HDAC9: variants seen among roughly 807,000 people sequenced by gnomAD.
HDAC9 encodes the protein histone deacetylase 9.
HDAC9 carries 41 observed loss-of-function variants against 139.4 expected under a neutral mutation model. The ratio of observed to expected loss-of-function variants is 0.29; its 90% CI spans 0.23 to 0.38. The LOEUF (loss-of-function observed/expected upper bound fraction) is 0.38. HDAC9 is among the 10% of genes least tolerant of loss of function. The pLI is 1.00. For synonymous variants in HDAC9, 517 were observed against 476.2 expected, an observed-to-expected ratio of 1.09 and a Z score of -1.12; for missense variants, 1,147 against 1,297.0, an observed-to-expected ratio of 0.88 and a Z score of 1.78.
At chr7:18,468,590 C>T (rs1204948107) in intron 1 of HDAC9, among the ~76,000 whole-genome samples, 2 of 152,154 alleles carry the variant, frequency 1.3e-5, no homozygotes, top group East Asian at 1.9e-4. Flanking sequence ...ACTACAGGCA[C>T]GTGTCTCTTG....
chr7:18,161,348 G>A (rs1017651946), intron 1 of HDAC9, among the ~76,000 whole-genome samples: 3 of 152,084 alleles, frequency 2.0e-5, no homozygotes, highest in Admixed American at 6.5e-5. Context: ...AATAGTGACG[G>A]AAAAACGAGT....
intron 12 of HDAC9, among the ~76,000 whole-genome samples, chr7:18,683,847 C>A (rs1782063069): frequency 6.6e-6 from 1 of 151,996 alleles, no homozygotes; most frequent in African/African-American, 2.4e-5. Flanking sequence ...GATATGCTTC[C>A]ATTTTTCAAA....
intron 5 of HDAC9, among the ~76,000 whole-genome samples, chr7:18,592,675 G>A (rs1160192651): frequency 3.3e-5 from 5 of 152,074 alleles, no homozygotes; most frequent in Admixed American, 2.0e-4. Flanking sequence ...CCCAAAACAG[G>A]TAACAGACAG....
Position 18,541,395 on chromosome 7 carries a change from T to C in HDAC9, c.23-43886T>C, listed in dbSNP as rs148174156. On this transcript the variant is annotated intron_variant, in intron 2 of 25. Transcript: ENST00000686413. ...TGAAGAAACTCTTTGAATCACCAAC[T>C]ATGCCTTGCCATATCTGTCCACATG... Among the ~76,000 whole-genome samples the C allele has an allele frequency of 2.3e-4, 35 of 152,230 alleles. No individual in the cohort carries two copies. In the East Asian group the frequency reaches 5.8e-3, roughly 25 times the overall value.
At chr7:18,273,138 C>T (rs750979567) in intron 2 of HDAC9, among the ~76,000 whole-genome samples, 1 of 141,334 alleles carries the variant, frequency 7.1e-6, no homozygotes, top group East Asian at 2.2e-4. Context: ...TCATAACTCA[C>T]TGCAGCATCA....
intron 1 of HDAC9, among the ~76,000 whole-genome samples, chr7:18,401,368 G>A (rs1348493992): frequency 6.6e-6 from 1 of 152,172 alleles, no homozygotes; most frequent in Non-Finnish European, 1.5e-5. Flanking sequence ...CTCATTTGAA[G>A]ATGCAGTTGG....
intron 1 of HDAC9, among the ~76,000 whole-genome samples, chr7:18,094,100 T>C (rs1782342682): frequency 6.6e-6 from 1 of 152,214 alleles, no homozygotes; most frequent in African/African-American, 2.4e-5. Flanking sequence ...ATGATTGGAT[T>C]GTGTTAGATC....
intron 13 of HDAC9, among the ~76,000 whole-genome samples, chr7:18,730,525 G>C (rs984927094): frequency 1.3e-5 from 2 of 152,092 alleles, no homozygotes; most frequent in Admixed American, 6.5e-5. Flanking sequence ...TATCTGCATG[G>C]GGGCTATTCT....
At chr7:18,822,503 C>T (rs190867471) in intron 17 of HDAC9, among the ~76,000 whole-genome samples, 8 of 152,222 alleles carry the variant, frequency 5.3e-5, no homozygotes, top group Admixed American at 1.3e-4. Flanking sequence ...TACAGGTTCC[C>T]GCCAGCACAC....
chr7:18,512,014 A>C (rs1383201344), intron 2 of HDAC9, among the ~76,000 whole-genome samples: 1 of 131,052 alleles, frequency 7.6e-6, no homozygotes, highest in East Asian at 2.1e-4. Flanking sequence ...ATAATGAATT[A>C]AGCAAAAAAA....
At chr7:18,753,742 G>C (rs181915918) in intron 14 of HDAC9, among the ~76,000 whole-genome samples, 29 of 152,154 alleles carry the variant, frequency 1.9e-4, no homozygotes, top group African/African-American at 7.0e-4. Context: ...TTCAATATTA[G>C]ATTCGACCTT....
chr7:18,383,823 A>G (rs1316532033), intron 1 of HDAC9, among the ~76,000 whole-genome samples: 4 of 150,904 alleles, frequency 2.7e-5, no homozygotes, highest in African/African-American at 4.9e-5. Context: ...CGGGAGGCGG[A>G]GCTTGCAGTG....
At chr7:18,718,110 C>G (rs969066329) in intron 12 of HDAC9, among the ~76,000 whole-genome samples, 1 of 151,792 alleles carries the variant, frequency 6.6e-6, no homozygotes, top group Non-Finnish European at 1.5e-5. Context: ...AGAAACTGTA[C>G]CCATTAGCAG....
rs369575317 is a variant in HDAC9, at chr7:18,239,190, C to G, written c.25+76841C>G. Among the ~76,000 whole-genome samples the G allele has an allele frequency of 2.0e-5, 3 of 151,994 alleles. No individual in the cohort carries two copies. In the East Asian group the frequency reaches 5.8e-4, roughly 29 times the overall value. ...ACAAGGTGATAGAATATCCCTGGCA[C>G]ACTGGAGAAAAACTGAGATCATGTG... On this transcript the variant is annotated intron_variant, in intron 2 of 12. Coordinates refer to the HDAC9 transcript ENST00000417496.
chr7:18,302,442 G>A (rs1013306732), intron 1 of HDAC9, among the ~76,000 whole-genome samples: 3 of 152,170 alleles, frequency 2.0e-5, no homozygotes, highest in Non-Finnish European at 2.9e-5. Context: ...AAAGAAGGGC[G>A]TTAGTCTTGG....
chr7:18,783,069 GC>G lies in HDAC9; in HGVS notation c.2215-10274del, dbSNP rs537324760. On this transcript the variant is annotated intron_variant, in intron 16 of 25. Coordinates refer to ENST00000686413, the MANE Select transcript of HDAC9 (RefSeq NM_178425.4). Reference sequence around the variant, plus strand: ...ATGTCTGTTTAAAAGTATATTTAAAGCCTAACAATTTCTCGAAATCCTGGGG... The same window carrying G: ...ATGTCTGTTTAAAAGTATATTTAAAGCTAACAATTTCTCGAAATCCTGGGG... Among the ~76,000 whole-genome samples, 32 of 152,170 alleles carry G rather than the reference GC, an allele frequency of 2.1e-4. 1 individual carries two copies. The East Asian group carries it at 4.7e-3, about 22-fold the overall frequency.
At chr7:18,357,748 G>A (rs1386536228) in intron 1 of HDAC9, among the ~76,000 whole-genome samples, 1 of 152,086 alleles carries the variant, frequency 6.6e-6, no homozygotes, top group African/African-American at 2.4e-5. Flanking sequence ...CAGAGTATGA[G>A]AAGGCCCTGA....
chr7:18,317,570 TG>T (rs1799741309), intron 1 of HDAC9, among the ~76,000 whole-genome samples: 1 of 152,208 alleles, frequency 6.6e-6, no homozygotes, highest in Non-Finnish European at 1.5e-5. Context: ...GACTCACGTA[TG>T]TATTTCCCAA....
intron 1 of HDAC9, among the ~76,000 whole-genome samples, chr7:18,090,155 G>T (rs1031639758): frequency 6.6e-6 from 1 of 152,080 alleles, no homozygotes; most frequent in Non-Finnish European, 1.5e-5. Flanking sequence ...GGAAGGAGGC[G>T]GCAGGTACAC....
Sources: allele counts gnomAD v4.1 joint callset (sites outside exome capture counted in the v4.1 genomes callset), GRCh38; gene constraint gnomAD v4.1.1; transcripts MANE v1.5; gene names NCBI Gene and HGNC (gene_info 2026-07-23, HGNC 2026-07-21).